The following KCND3 variants were observed in gnomAD, a reference collection of about 807,000 sequenced individuals.
KCND3 encodes potassium voltage-gated channel subfamily D member 3.
KCND3 carries 9 observed loss-of-function variants against 51.1 expected under a neutral mutation model. The observed-to-expected ratio is 0.18, with a 90% CI of 0.11 to 0.31. The LOEUF (loss-of-function observed/expected upper bound fraction) is 0.31. KCND3 is among the 10% of genes least tolerant of loss of function. The pLI is 1.00. For synonymous variants in KCND3, 349 were observed against 368.0 expected (o/e 0.95, Z 0.59); for missense variants, 526 against 903.8 (o/e 0.58, Z 5.36).
intron 2 of KCND3, among the ~76,000 whole-genome samples, chr1:111,881,637 C>T (rs372175579): frequency 1.3e-5 from 2 of 152,154 alleles, no homozygotes; most frequent in Non-Finnish European, 1.5e-5. Context: ...CATGGGAGTC[C>T]GGGGCAGCCC....
chr1:111,842,004 T>C (rs1344665119), intron 2 of KCND3, among the ~76,000 whole-genome samples: 7 of 152,182 alleles, frequency 4.6e-5, no homozygotes, highest in African/African-American at 1.7e-4. Flanking sequence ...ACCCTGCCTC[T>C]AGGCCAGGGC....
At chr1:111,830,587 T>C (rs1426080051) in intron 2 of KCND3, among the ~76,000 whole-genome samples, 1 of 152,228 alleles carries the variant, frequency 6.6e-6, no homozygotes, top group African/African-American at 2.4e-5. Context: ...TTTTCAGCCC[T>C]GAGTCTGCGC....
chr1:111,919,753 C>T (rs1671392796), intron 2 of KCND3, among the ~76,000 whole-genome samples: 1 of 152,200 alleles, frequency 6.6e-6, no homozygotes, highest in African/African-American at 2.4e-5. Flanking sequence ...GGAGTCCCCT[C>T]AGCAACACTC....
chr1:111,929,147 A>G (rs1286473032), intron 2 of KCND3, among the ~76,000 whole-genome samples: 1 of 152,214 alleles, frequency 6.6e-6, no homozygotes, highest in Non-Finnish European at 1.5e-5. Flanking sequence ...GAAATCAGGT[A>G]TTCTCACACC....
Position 111,817,362 on chromosome 1 carries a change from T to C in KCND3, c.1107-30256A>G, listed in dbSNP as rs1012239693. On this transcript the variant is annotated intron_variant, in intron 2 of 7. Coordinates refer to ENST00000302127, the MANE Select transcript of KCND3 (RefSeq NM_001378969.1). ...CTTTGGGAAAGTGACTTGGCAATAT[T>C]CATCAAGAGGTTTAAAAATGTCCAA... Among the ~76,000 whole-genome samples, 7 of 152,302 alleles carry C rather than the reference T, an allele frequency of 4.6e-5. No homozygotes were observed. In the South Asian group the frequency reaches 1.5e-3, roughly 32 times the overall value.
chr1:111,799,552 T>C (rs1665200386), intron 2 of KCND3, among the ~76,000 whole-genome samples: 1 of 152,220 alleles, frequency 6.6e-6, no homozygotes, highest in Non-Finnish European at 1.5e-5. Context: ...AACCCTCCTG[T>C]TGTCACTTGG....
chr1:111,972,276 C>T (rs1674377808), intron 2 of KCND3, among the ~76,000 whole-genome samples: 2 of 148,172 alleles, frequency 1.3e-5, no homozygotes, highest in Admixed American at 6.8e-5. Flanking sequence ...GGGTTCACGC[C>T]ATTCTCCTGC....
chr1:111,969,008 CT>C (rs550394479), intron 2 of KCND3, among the ~76,000 whole-genome samples: 14 of 149,568 alleles, frequency 9.4e-5, no homozygotes, highest in East Asian at 5.9e-4. Context: ...CCCTCTCAGG[CT>C]TTTTTTTTTC....
At chr1:111,792,583 G>A (rs1664884064) in intron 2 of KCND3, among the ~76,000 whole-genome samples, 1 of 152,160 alleles carries the variant, frequency 6.6e-6, no homozygotes, top group African/African-American at 2.4e-5. Context: ...CTGAGTGTCA[G>A]GCTACCCAGG....
intron 2 of KCND3, among the ~76,000 whole-genome samples, chr1:111,866,492 T>C (rs1278635270): frequency 6.6e-6 from 1 of 151,886 alleles, no homozygotes; most frequent in Admixed American, 6.6e-5. Flanking sequence ...CTTGAATCCC[T>C]GAGCCCAAGC....
chr1:111,925,416 TACTGCATCATTCTC>T (rs1349827646), intron 2 of KCND3, among the ~76,000 whole-genome samples: 1 of 152,240 alleles, frequency 6.6e-6, no homozygotes, highest in Non-Finnish European at 1.5e-5. Flanking sequence ...AGTTCTTACC[TACTGCATCATTCTC>T]ACTTGAATTC....
At chr1:111,798,190 C>T (rs1665141258) in intron 2 of KCND3, among the ~76,000 whole-genome samples, 1 of 152,192 alleles carries the variant, frequency 6.6e-6, no homozygotes, top group Admixed American at 6.5e-5. Context: ...TTTCTATTGT[C>T]ACATGCTTCT....
chr1:111,881,096 T>C (rs1055222209), intron 2 of KCND3, among the ~76,000 whole-genome samples: 1 of 152,172 alleles, frequency 6.6e-6, no homozygotes, highest in Non-Finnish European at 1.5e-5. Context: ...TGTCACTGTT[T>C]AGAGAAAGGG....
intron 2 of KCND3, among the ~76,000 whole-genome samples, chr1:111,834,116 A>AG (rs1379331853): frequency 1.3e-5 from 2 of 152,236 alleles, no homozygotes; most frequent in Non-Finnish European, 1.5e-5. Flanking sequence ...GATCAGACCA[A>AG]GGATTTGACC....
At chr1:111,943,749 G>A (rs1672644265) in intron 2 of KCND3, among the ~76,000 whole-genome samples, 2 of 152,198 alleles carry the variant, frequency 1.3e-5, no homozygotes, top group Admixed American at 6.5e-5. Flanking sequence ...GCCTTTACAA[G>A]GTGCTTTCTC....
intron 2 of KCND3, among the ~76,000 whole-genome samples, chr1:111,864,689 T>A (rs1668476707): frequency 6.6e-6 from 1 of 152,170 alleles, no homozygotes; most frequent in South Asian, 2.1e-4. Flanking sequence ...ACAGAAGGCA[T>A]CTCAGGAGGA....
At chr1:111,892,867 G>C (rs572309439) in intron 2 of KCND3, among the ~76,000 whole-genome samples, 1 of 152,292 alleles carries the variant, frequency 6.6e-6, no homozygotes, top group South Asian at 2.1e-4. Flanking sequence ...CCACATTCCC[G>C]GGAGGTATAG....
intron 2 of KCND3, among the ~76,000 whole-genome samples, chr1:111,926,610 T>C (rs150052064): frequency 4.9e-4 from 75 of 152,382 alleles, no homozygotes; most frequent in African/African-American, 1.7e-3. Flanking sequence ...GGTAGAACAC[T>C]GAGGCTAGAG....
chr1:111,835,519 G>A (rs938995400), intron 2 of KCND3, among the ~76,000 whole-genome samples: 2 of 152,130 alleles, frequency 1.3e-5, no homozygotes, highest in Non-Finnish European at 2.9e-5. Flanking sequence ...GATAAAACAG[G>A]ATGCGGTAAA....
Sources: allele counts gnomAD v4.1 joint callset (sites outside exome capture counted in the v4.1 genomes callset), GRCh38; gene constraint gnomAD v4.1.1; transcripts MANE v1.5; gene names NCBI Gene and HGNC (gene_info 2026-07-23, HGNC 2026-07-21).